DDR2: variants seen among roughly 807,000 people sequenced by gnomAD.
DDR2 encodes the protein discoidin domain-containing receptor 2.
A neutral mutation model predicts 94.9 loss-of-function variants in DDR2; 27 were observed. That is an observed-to-expected ratio of 0.28 (90% confidence interval 0.21 to 0.39). The LOEUF is 0.39. DDR2 is among the 10% of genes least tolerant of loss of function. The pLI is 1.00. For missense variants in DDR2, 783 were observed against 1,076.0 expected (o/e 0.73, Z 3.81); for synonymous variants, 382 against 377.2 (o/e 1.01, Z -0.15).
At chr1:162,702,921 C>G (rs1660492692) in intron 2 of DDR2, among the ~76,000 whole-genome samples, 1 of 152,204 alleles carries the variant, frequency 6.6e-6, no homozygotes, top group Non-Finnish European at 1.5e-5. Flanking sequence ...TACTCTCTCT[C>G]TCTCTCTGTG....
At position 162,708,136 on chromosome 1, in the gene DDR2, G is replaced by A. The variant is rs73024544; in HGVS notation, c.-27-10901G>A. Among the ~76,000 whole-genome samples, 760 of 152,290 alleles carry A rather than the reference G, an allele frequency of 5.0e-3. 3 individuals carry two copies. The highest frequency in any genetic ancestry group is 0.017 in the African/African-American group (718 of 41,566). On this transcript the variant is annotated intron_variant, in intron 2 of 17. Transcript: ENST00000367921. ...TAGGCCTTGATCTCCTGAGTCTTGA[G>A]TATGTTAAGGGAAAGACACTAAGAT...
intron 3 of DDR2, among the ~76,000 whole-genome samples, chr1:162,750,977 C>T (rs1304990525): frequency 6.6e-6 from 1 of 152,154 alleles, no homozygotes; most frequent in Non-Finnish European, 1.5e-5. Flanking sequence ...CTTCCTTACA[C>T]CTTATACAAA....
rs376226675 is a variant in DDR2, at chr1:162,709,708, C to T, written c.-27-9329C>T. ...GCTGCGGAGCCTGGGACAGAAGGTA[C>T]GGTGGGAAAGAAAATGAGAGGAGCT... On this transcript the variant is annotated intron_variant, in intron 2 of 17. Coordinates refer to ENST00000367921, the MANE Select transcript of DDR2 (RefSeq NM_006182.4). Among the ~76,000 whole-genome samples, 10 of 152,132 alleles carry T rather than the reference C, an allele frequency of 6.6e-5. No individual in the cohort carries two copies. In the East Asian group the frequency reaches 1.7e-3, roughly 26 times the overall value.
At chr1:162,705,527 G>A (rs1660621248) in intron 2 of DDR2, among the ~76,000 whole-genome samples, 1 of 152,194 alleles carries the variant, frequency 6.6e-6, no homozygotes, top group African/African-American at 2.4e-5. Context: ...TTCTGGATCA[G>A]GGGGCAACTC....
chr1:162,723,745 C>A (rs1661527403), intron 3 of DDR2, among the ~76,000 whole-genome samples: 1 of 152,190 alleles, frequency 6.6e-6, no homozygotes, highest in African/African-American at 2.4e-5. Flanking sequence ...CCTTTAGGAT[C>A]CATGGTATAA....
chr1:162,721,530 A>G (rs903689006), intron 3 of DDR2, among the ~76,000 whole-genome samples: 5 of 152,252 alleles, frequency 3.3e-5, no homozygotes, highest in African/African-American at 1.2e-4. Context: ...TAAAGAGTCT[A>G]TCATGAATCC....
chr1:162,701,453 G>T (rs1660428506), intron 2 of DDR2, among the ~76,000 whole-genome samples: 1 of 152,212 alleles, frequency 6.6e-6, no homozygotes, highest in South Asian at 2.1e-4. Context: ...ACTATTGCTA[G>T]GTAAGGCTTT....
chr1:162,769,556 C>A (rs896598926), intron 11 of DDR2, among the ~76,000 whole-genome samples: 2 of 152,198 alleles, frequency 1.3e-5, no homozygotes, highest in Non-Finnish European at 2.9e-5. Flanking sequence ...ATCTAAGTTT[C>A]GCCATTGAGC....
At position 162,742,987 on chromosome 1, in the gene DDR2, A is replaced by G. The variant is rs143400806; in HGVS notation, c.83-10108A>G. On this transcript the variant is annotated intron_variant, in intron 3 of 17. Coordinates refer to ENST00000367921, the MANE Select transcript of DDR2 (RefSeq NM_006182.4). ...TTACCTCCCCCTAGGTCCCTCCCAC[A>G]ACATGTGGGAACTCTGGGAGATACA... Among the ~76,000 whole-genome samples, 1,445 of 152,224 alleles carry G rather than the reference A, an allele frequency of 9.5e-3. 22 individuals are homozygous for G. Among genetic ancestry groups the G allele is most frequent in the African/African-American group, 0.033 (1,380 of 41,536 alleles).
intron 1 of DDR2, among the ~76,000 whole-genome samples, chr1:162,640,904 C>T (rs1450381288): frequency 1.3e-5 from 2 of 152,038 alleles, no homozygotes; most frequent in African/African-American, 2.4e-5. Context: ...ACTATATGTG[C>T]GTACTACCAC....
chr1:162,661,520 G>C (rs1189377630), intron 2 of DDR2, among the ~76,000 whole-genome samples: 1 of 152,276 alleles, frequency 6.6e-6, no homozygotes, highest in East Asian at 1.9e-4. Flanking sequence ...ATTGTGAAAT[G>C]ATGGCACACA....
intron 3 of DDR2, among the ~76,000 whole-genome samples, chr1:162,734,894 A>T (rs1296562800): frequency 6.6e-6 from 1 of 152,186 alleles, no homozygotes. Context: ...TAGGAAGCTA[A>T]TTTGGGCTAT....
At chr1:162,769,987 T>A (rs1664185097) in intron 11 of DDR2, among the ~76,000 whole-genome samples, 1 of 152,162 alleles carries the variant, frequency 6.6e-6, no homozygotes, top group African/African-American at 2.4e-5. Context: ...GAAAACTCTA[T>A]AAGATTGAGA....
At chr1:162,691,876 T>C (rs1365867485) in intron 2 of DDR2, among the ~76,000 whole-genome samples, 1 of 152,214 alleles carries the variant, frequency 6.6e-6, no homozygotes, top group Non-Finnish European at 1.5e-5. Flanking sequence ...AATAGAAGTA[T>C]GTAGAAGGTA....
chr1:162,728,622 G>C (rs925118330), intron 3 of DDR2, among the ~76,000 whole-genome samples: 7 of 152,116 alleles, frequency 4.6e-5, no homozygotes, highest in Admixed American at 4.6e-4. Context: ...CAGAGTGCAG[G>C]TTCCTTTTGC....
chr1:162,754,009 G>A (rs1663338791), intron 4 of DDR2, among the ~76,000 whole-genome samples: 1 of 152,168 alleles, frequency 6.6e-6, no homozygotes. Flanking sequence ...GAGGAAAAGT[G>A]GTAGGGAGTT....
chr1:162,633,470 A>T (rs950087057), intron 1 of DDR2, among the ~76,000 whole-genome samples: 1 of 152,218 alleles, frequency 6.6e-6, no homozygotes, highest in African/African-American at 2.4e-5. Flanking sequence ...AAGAGTCCTG[A>T]AAAGGGCCTT....
chr1:162,710,764 G>GCACACACACACACACACA (rs113812328), intron 2 of DDR2, among the ~76,000 whole-genome samples: 93 of 148,142 alleles, frequency 6.3e-4, no homozygotes, highest in African/African-American at 2.2e-3. Flanking sequence ...ACACAGTCAT[G>GCACACACACACACACACA]CACACACACA....
chr1:162,763,363 T>TCTC (rs1663840445), intron 9 of DDR2, among the ~76,000 whole-genome samples: 1 of 33,140 alleles, frequency 3.0e-5, no homozygotes, highest in Non-Finnish European at 6.3e-5. Context: ...TTTTTTTTTT[T>TCTC]TTTTTTTGCA....
Sources: allele counts gnomAD v4.1 joint callset (sites outside exome capture counted in the v4.1 genomes callset), GRCh38; gene constraint gnomAD v4.1.1; transcripts MANE v1.5; gene names NCBI Gene and HGNC (gene_info 2026-07-23, HGNC 2026-07-21).